MARK1: variants seen among roughly 807,000 people sequenced by gnomAD.
The protein encoded by MARK1 is microtubule affinity regulating kinase 1, also known as serine/threonine-protein kinase MARK1.
A neutral mutation model predicts 96.3 loss-of-function variants in MARK1; 40 were observed. The observed-to-expected ratio is 0.42, with a 90% CI of 0.32 to 0.54. The LOEUF is 0.54. Ranked by LOEUF, MARK1 falls within the 20% of genes least tolerant of loss-of-function variation. The pLI is 0.16. For synonymous variants in MARK1, 317 were observed against 341.2 expected, an observed-to-expected ratio of 0.93 and a Z score of 0.78; for missense variants, 719 against 984.6, an observed-to-expected ratio of 0.73 and a Z score of 3.61.
At chr1:220,629,294 G>A (rs1481352840) in intron 9 of MARK1, among the ~76,000 whole-genome samples, 2 of 149,296 alleles carry the variant, frequency 1.3e-5, no homozygotes, top group African/African-American at 2.5e-5. Context: ...ATTCAAATAA[G>A]TTTCTTCCAG....
chr1:220,658,962 T>A (rs1005482378), intron 17 of MARK1, among the ~76,000 whole-genome samples: 6 of 152,196 alleles, frequency 3.9e-5, no homozygotes, highest in Admixed American at 2.0e-4. Flanking sequence ...TAGTCTTCAC[T>A]TTTGAGCCCC....
rs545452462 is a variant in MARK1 at position 220,606,019 on chromosome 1, G to A, written c.495+1882G>A. 2.6e-5 allele frequency among the ~76,000 whole-genome samples: 4 copies of A among 152,076 alleles called. No homozygotes were observed. In the East Asian group the frequency reaches 7.7e-4, roughly 29 times the overall value. On this transcript the variant is annotated intron_variant, in intron 6 of 17. Coordinates refer to ENST00000366917, the MANE Select transcript of MARK1 (RefSeq NM_018650.5). ...TAGTAGCATGATTTATAATCCTTTG[G>A]GTATATACCCAGTAATGGGATTGCT...
chr1:220,532,454 T>C (rs1011411454), intron 1 of MARK1, among the ~76,000 whole-genome samples: 1 of 152,198 alleles, frequency 6.6e-6, no homozygotes, highest in Non-Finnish European at 1.5e-5. Flanking sequence ...GTACAGTATA[T>C]AAGAAATCAG....
chr1:220,531,999 A>G (rs1363004413), intron 1 of MARK1, among the ~76,000 whole-genome samples: 1 of 152,132 alleles, frequency 6.6e-6, no homozygotes, highest in African/African-American at 2.4e-5. Context: ...TTTTTAATGA[A>G]ACAAGAAAAA....
At chr1:220,657,677 T>C in intron 16 of MARK1, 113 bp from the exon 17 acceptor site, 1 of 661,036 alleles carries the variant, frequency 1.5e-6, no homozygotes, top group South Asian at 2.4e-5. Flanking sequence ...AATAGAAAAC[T>C]GTCATGGTAG....
chr1:220,592,080 G>A (rs2786606), intron 3 of MARK1, among the ~76,000 whole-genome samples: 39,238 of 151,460 alleles, frequency 0.26, 5,863 homozygotes, highest in East Asian at 0.46. Flanking sequence ...CAGACTTTGA[G>A]GCAACCCCCA....
At chr1:220,635,087 A>G (rs1667874227) in intron 11 of MARK1, among the ~76,000 whole-genome samples, 1 of 152,182 alleles carries the variant, frequency 6.6e-6, no homozygotes, top group Admixed American at 6.5e-5. Context: ...TGCCTAGTCT[A>G]TAATAACCCA....
chr1:220,585,268 GA>G (rs945576263), intron 3 of MARK1, among the ~76,000 whole-genome samples: 15 of 152,260 alleles, frequency 9.9e-5, no homozygotes, highest in Admixed American at 9.2e-4. Flanking sequence ...ACAAAGTACT[GA>G]AAACAGAGTA....
At chr1:220,544,199 G>A (rs1316768164) in intron 1 of MARK1, among the ~76,000 whole-genome samples, 1 of 152,214 alleles carries the variant, frequency 6.6e-6, no homozygotes, top group Non-Finnish European at 1.5e-5. Flanking sequence ...AAAGTGGGAA[G>A]GGAGATGGCA....
At chr1:220,572,256 T>C (rs1407921685) in intron 1 of MARK1, among the ~76,000 whole-genome samples, 1 of 152,170 alleles carries the variant, frequency 6.6e-6, no homozygotes, top group Non-Finnish European at 1.5e-5. Context: ...TTTTTTCTTT[T>C]TGGAGACAGA....
chr1:220,593,159 T>C (rs549763265), intron 3 of MARK1, among the ~76,000 whole-genome samples: 1 of 152,244 alleles, frequency 6.6e-6, no homozygotes, highest in African/African-American at 2.4e-5. Flanking sequence ...AACTTTAAAA[T>C]CTATATCTTA....
At chr1:220,591,711 A>C (rs1664993047) in intron 3 of MARK1, among the ~76,000 whole-genome samples, 1 of 152,224 alleles carries the variant, frequency 6.6e-6, no homozygotes, top group African/African-American at 2.4e-5. Context: ...ATATGCATTG[A>C]TGAATCTTTT....
intron 1 of MARK1, among the ~76,000 whole-genome samples, chr1:220,536,709 G>A (rs1350988575): frequency 6.6e-6 from 1 of 152,084 alleles, no homozygotes; most frequent in Non-Finnish European, 1.5e-5. Context: ...GCACACGCCA[G>A]TAGCTGGGAT....
At chr1:220,626,701 A>T (rs544667904) in intron 9 of MARK1, 1 of 340,060 alleles carries the variant, frequency 2.9e-6, no homozygotes, top group Non-Finnish European at 5.7e-6. Context: ...GCACTTCTGT[A>T]ATCCCAGCTA....
intron 1 of MARK1, among the ~76,000 whole-genome samples, chr1:220,555,468 TA>T (rs992350732): frequency 4.8e-4 from 73 of 152,262 alleles, no homozygotes; most frequent in African/African-American, 1.7e-3. Context: ...CAACTTGGTC[TA>T]AGTGGTAAAG....
At chr1:220,567,532 C>T (rs967229865) in intron 1 of MARK1, among the ~76,000 whole-genome samples, 1 of 152,034 alleles carries the variant, frequency 6.6e-6, no homozygotes, top group African/African-American at 2.4e-5. Flanking sequence ...GAAGAGATAC[C>T]CGAAAGCTAG....
At position 220,528,709 on chromosome 1, in the gene MARK1, G is replaced by C; in HGVS notation, c.-114G>C. 2.2e-6 allele frequency: 2 copies of C among 904,976 alleles called. No homozygotes were observed. Among genetic ancestry groups the C allele is most frequent in the East Asian group, 6.5e-5 (2 of 30,660 alleles). The allele number at this position is 904,976 out of a possible 1,614,324, so 56.1% of individuals were successfully genotyped here. A position where few individuals can be genotyped will look rare whatever the true frequency, so the allele number is the denominator to read the frequency against. On this transcript the variant is annotated 5_prime_UTR_variant, in exon 1 of 18. Transcript: ENST00000366917. Reference sequence around the variant, plus strand: ...TGTTGCACCGCCCCGCGGCCTGCGGGAGCCGCTCGCCCCGGCCTTGTGCTC... The same window carrying C: ...TGTTGCACCGCCCCGCGGCCTGCGGCAGCCGCTCGCCCCGGCCTTGTGCTC...
intron 13 of MARK1, among the ~76,000 whole-genome samples, chr1:220,649,783 T>C (rs893948549): frequency 2.0e-5 from 3 of 152,220 alleles, no homozygotes; most frequent in Non-Finnish European, 4.4e-5. Context: ...AGGTTGCTTA[T>C]ATATTTTAAA....
chr1:220,547,140 T>C (rs1174555840), intron 1 of MARK1, among the ~76,000 whole-genome samples: 2 of 152,198 alleles, frequency 1.3e-5, no homozygotes, highest in Non-Finnish European at 2.9e-5. Flanking sequence ...TAAACTGTCT[T>C]GGGTACTTTT....
Sources: allele counts gnomAD v4.1 joint callset (sites outside exome capture counted in the v4.1 genomes callset), GRCh38; gene constraint gnomAD v4.1.1; transcripts MANE v1.5; gene names NCBI Gene and HGNC (gene_info 2026-07-23, HGNC 2026-07-21).